Variants in SGCZ observed in about 807,000 individuals in gnomAD.
The protein encoded by SGCZ is sarcoglycan zeta.
In SGCZ, 40 loss-of-function variants were observed where a neutral mutation model predicts 41.3. The observed-to-expected ratio is 0.97, with a 90% confidence interval of 0.75 to 1.26. SGCZ has a LOEUF of 1.26. SGCZ is among the 50% of genes most tolerant of loss of function. The pLI, the probability that SGCZ is intolerant of heterozygous loss-of-function variation, is 0.00. For missense variants in SGCZ, 552 were observed against 369.8 expected (o/e 1.49, Z -4.04); for synonymous variants, 206 against 137.5 (o/e 1.50, Z -3.49).
intron 2 of SGCZ, among the ~76,000 whole-genome samples, chr8:14,361,156 G>C (rs532249799): frequency 3.9e-5 from 6 of 152,142 alleles, no homozygotes; most frequent in South Asian, 2.1e-4. Flanking sequence ...GCTGAGTTTT[G>C]AACATTCTTT....
At chr8:14,315,269 G>A (rs563148017) in intron 3 of SGCZ, among the ~76,000 whole-genome samples, 1 of 152,186 alleles carries the variant, frequency 6.6e-6, no homozygotes, top group South Asian at 2.1e-4. Context: ...TCCAACTGAA[G>A]CTTAGCAAAT....
chr8:14,958,698 T>C (rs1248982843), intron 1 of SGCZ, among the ~76,000 whole-genome samples: 1 of 152,012 alleles, frequency 6.6e-6, no homozygotes, highest in Non-Finnish European at 1.5e-5. Flanking sequence ...ATTTGTGCAT[T>C]TTATCACATG....
chr8:14,432,914 CAAAAA>C (rs767979164), intron 2 of SGCZ, among the ~76,000 whole-genome samples: 2 of 75,628 alleles, frequency 2.6e-5, no homozygotes, highest in African/African-American at 1.2e-4. Flanking sequence ...ACTGTGTCTC[CAAAAA>C]AAAAAAAAAA....
chr8:14,434,322 C>T (rs1173841930), intron 2 of SGCZ, among the ~76,000 whole-genome samples: 1 of 152,160 alleles, frequency 6.6e-6, no homozygotes, highest in African/African-American at 2.4e-5. Flanking sequence ...ATCCATTGGT[C>T]TATGTGCCTA....
At chr8:14,187,298 T>C (rs1804937774) in intron 4 of SGCZ, among the ~76,000 whole-genome samples, 1 of 152,174 alleles carries the variant, frequency 6.6e-6, no homozygotes, top group Non-Finnish European at 1.5e-5. Flanking sequence ...TTCAACAAAA[T>C]TATGAGATAA....
chr8:14,393,469 T>A (rs990762074), intron 2 of SGCZ, among the ~76,000 whole-genome samples: 3 of 152,128 alleles, frequency 2.0e-5, no homozygotes, highest in Non-Finnish European at 4.4e-5. Context: ...CATAATAAGA[T>A]TACGGTGGGG....
At chr8:14,739,573 T>C (rs1277852544) in intron 1 of SGCZ, among the ~76,000 whole-genome samples, 1 of 152,072 alleles carries the variant, frequency 6.6e-6, no homozygotes, top group African/African-American at 2.4e-5. Context: ...TTATTTATGG[T>C]CTAAAACTGA....
chr8:15,008,544 G>GAAGGAAGGGAGA, intron 1 of SGCZ, among the ~76,000 whole-genome samples: 2 of 70,782 alleles, frequency 2.8e-5, no homozygotes, highest in Admixed American at 1.3e-4. Context: ...AGGAAGGAAG[G>GAAGGAAGGGAGA]GAGGGAGTGA....
intron 1 of SGCZ, among the ~76,000 whole-genome samples, chr8:15,092,362 T>C (rs17655443): frequency 0.058 from 8,807 of 152,252 alleles, 452 homozygotes; most frequent in East Asian, 0.28. Context: ...ACTTTTATCT[T>C]GATGTTTAAT....
chr8:14,254,976 T>C (rs1451019268), intron 3 of SGCZ, among the ~76,000 whole-genome samples: 1 of 152,224 alleles, frequency 6.6e-6, no homozygotes, highest in African/African-American at 2.4e-5. Flanking sequence ...AGAAAAATCA[T>C]GCACTGCTTT....
chr8:14,266,350 A>G (rs989650022), intron 3 of SGCZ, among the ~76,000 whole-genome samples: 1 of 152,130 alleles, frequency 6.6e-6, no homozygotes, highest in African/African-American at 2.4e-5. Flanking sequence ...ATTGGAATCA[A>G]TATGATGATA....
At chr8:14,936,962 AAC>A (rs1037843245) in intron 1 of SGCZ, among the ~76,000 whole-genome samples, 4 of 152,008 alleles carry the variant, frequency 2.6e-5, no homozygotes, top group African/African-American at 9.6e-5. Flanking sequence ...AAAATTAAAA[AAC>A]ACAATATTTC....
chr8:14,339,352 G>T (rs561155037), intron 2 of SGCZ, among the ~76,000 whole-genome samples: 13 of 152,240 alleles, frequency 8.5e-5, no homozygotes, highest in Non-Finnish European at 1.6e-4. Context: ...GAAAACAATT[G>T]CTGAGAATGG....
chr8:14,395,524 A>C (rs910396727), intron 2 of SGCZ, among the ~76,000 whole-genome samples: 1 of 152,190 alleles, frequency 6.6e-6, no homozygotes, highest in Non-Finnish European at 1.5e-5. Flanking sequence ...CAAAGGTCCA[A>C]ATGGACTAGG....
intron 1 of SGCZ, among the ~76,000 whole-genome samples, chr8:15,094,877 C>T (rs1283684945): frequency 6.6e-6 from 1 of 152,106 alleles, no homozygotes; most frequent in Non-Finnish European, 1.5e-5. Flanking sequence ...TTGTATGTTT[C>T]CCAAAGGCTC....
At chr8:14,892,990 A>G (rs1455031723) in intron 1 of SGCZ, among the ~76,000 whole-genome samples, 1 of 152,174 alleles carries the variant, frequency 6.6e-6, no homozygotes, top group Non-Finnish European at 1.5e-5. Context: ...TACAGAGCAT[A>G]TGGTAGGCAG....
At chr8:14,435,491 A>G (rs982002605) in intron 2 of SGCZ, among the ~76,000 whole-genome samples, 1 of 151,940 alleles carries the variant, frequency 6.6e-6, no homozygotes, top group Non-Finnish European at 1.5e-5. Context: ...ATATCCCTTT[A>G]CCCCAATCAT....
At chr8:14,950,683 AG>A (rs1189814408) in intron 1 of SGCZ, among the ~76,000 whole-genome samples, 2 of 152,064 alleles carry the variant, frequency 1.3e-5, no homozygotes, top group Non-Finnish European at 2.9e-5. Context: ...GCACTCATGT[AG>A]AAGCAAGATT....
chr8:14,477,790 C>T (rs537710659), intron 2 of SGCZ, among the ~76,000 whole-genome samples: 49 of 152,284 alleles, frequency 3.2e-4, no homozygotes, highest in African/African-American at 1.2e-3. Context: ...AAAAATCATA[C>T]CTCTGCCTTA....
Sources: allele counts gnomAD v4.1 joint callset (sites outside exome capture counted in the v4.1 genomes callset), GRCh38; gene constraint gnomAD v4.1.1; transcripts MANE v1.5; gene names NCBI Gene and HGNC (gene_info 2026-07-23, HGNC 2026-07-21).